Variants in CHST4 observed in about 807,000 individuals in gnomAD.
CHST4 encodes the protein carbohydrate sulfotransferase 4, also known as GST-3.
For missense variants in CHST4, 466 were observed against 506.0 expected, an observed-to-expected ratio of 0.92 and a Z score of 0.76; for synonymous variants, 171 against 195.5, an observed-to-expected ratio of 0.87 and a Z score of 1.05.
At chr16:71,533,613 C>G (rs564723553) in intron 1 of CHST4, among the ~76,000 whole-genome samples, 2 of 152,176 alleles carry the variant, frequency 1.3e-5, no homozygotes, top group Non-Finnish European at 1.5e-5. Flanking sequence ...TAGTAAAATT[C>G]TTAGGTTTTC....
At chr16:71,527,486 C>T (rs1464982843) in intron 1 of CHST4, among the ~76,000 whole-genome samples, 3 of 152,196 alleles carry the variant, frequency 2.0e-5, no homozygotes, top group African/African-American at 7.2e-5. Flanking sequence ...ATGGCTCGCG[C>T]CTGTAATCCC....
chr16:71,535,515 C>T (rs2043980676), intron 1 of CHST4, among the ~76,000 whole-genome samples: 1 of 152,150 alleles, frequency 6.6e-6, no homozygotes, highest in African/African-American at 2.4e-5. Context: ...TTACTATCAC[C>T]TACAAAAAAC....
intron 1 of CHST4, 28 bp from the exon 2 acceptor site, chr16:71,536,632 C>T (rs2043990008): frequency 7.3e-7 from 1 of 1,371,798 alleles, no homozygotes; most frequent in African/African-American, 1.5e-5. Context: ...AGCAGCCCAA[C>T]TCCACCCTTT....
At chr16:71,527,167 T>C (rs934132926) in intron 1 of CHST4, among the ~76,000 whole-genome samples, 51 of 152,222 alleles carry the variant, frequency 3.4e-4, no homozygotes, top group African/African-American at 1.2e-3. Flanking sequence ...TGCCAACATA[T>C]CAGCTATGGT....
intron 1 of CHST4, among the ~76,000 whole-genome samples, chr16:71,526,737 G>C (rs1386024382): frequency 6.6e-6 from 1 of 152,230 alleles, no homozygotes; most frequent in Non-Finnish European, 1.5e-5. Context: ...AGAGCCCAGA[G>C]AGCAGATCAG....
At chr16:71,530,185 TCTTTCAGGGAGAAGGCAGGCTCTCC>T (rs753912175) in intron 1 of CHST4, among the ~76,000 whole-genome samples, 48 of 152,032 alleles carry the variant, frequency 3.2e-4, no homozygotes, top group African/African-American at 2.9e-4. Flanking sequence ...AGACAGAACT[TCTTTCAGGGAGAAGGCAGGCTCTCC>T]CTTTCAGGGA....
In CHST4 at chr16:71,538,213, T is replaced by A; in HGVS notation, c.*375T>A. On this transcript the variant is annotated 3_prime_UTR_variant, in exon 2 of 2. Coordinates refer to ENST00000539698, the MANE Select transcript of CHST4 (RefSeq NM_001166395.2). ...CACATCTTGCCCAATGGGGAATGGA[T>A]CTTTCACCAAAGAGCTCACCAGCAT... The A allele has an allele frequency of 4.9e-6, 1 of 204,810 alleles. No individual in the cohort carries two copies. The highest frequency in any genetic ancestry group is 1.1e-5 in the Non-Finnish European group (1 of 92,246). 12.7% of individuals were successfully genotyped at this position (204,810 alleles called of 1,614,324 possible).
intron 1 of CHST4, among the ~76,000 whole-genome samples, chr16:71,529,849 A>G (rs1417560387): frequency 6.6e-6 from 1 of 152,170 alleles, no homozygotes; most frequent in Non-Finnish European, 1.5e-5. Context: ...CTGGGAAACA[A>G]ATTAATCTCA....
intron 1 of CHST4, among the ~76,000 whole-genome samples, chr16:71,529,303 G>T (rs142497027): frequency 7.9e-5 from 12 of 151,894 alleles, no homozygotes; most frequent in Admixed American, 2.0e-4. Flanking sequence ...TGGACCAAGG[G>T]TTACTGTGCC....
chr16:71,533,767 G>A (rs1018796572), intron 1 of CHST4, among the ~76,000 whole-genome samples: 2 of 151,982 alleles, frequency 1.3e-5, no homozygotes, highest in Non-Finnish European at 2.9e-5. Context: ...TCCAGGCTGG[G>A]CATGGGGGCT....
chr16:71,535,879 G>A (rs2043983832), intron 1 of CHST4, among the ~76,000 whole-genome samples: 1 of 152,208 alleles, frequency 6.6e-6, no homozygotes, highest in Non-Finnish European at 1.5e-5. Flanking sequence ...CCCATGGGAT[G>A]ACACCAAATC....
rs2044009295 is a variant in CHST4, at chr16:71,538,298, T to G, written c.*460T>G. On this transcript the variant is annotated 3_prime_UTR_variant, in exon 2 of 2. Coordinates refer to ENST00000539698, the MANE Select transcript of CHST4 (RefSeq NM_001166395.2). ...TTCCCAGTGGATTCAAGGAAGGAAG[T>G]GGGAACAAGGTTGGATGCCTACTTA... 1 of 174,980 alleles carries G rather than the reference T, an allele frequency of 5.7e-6. No individual in the cohort carries two copies. The highest frequency in any genetic ancestry group is 2.4e-5 in the African/African-American group (1 of 41,560). The allele number at this position is 174,980 out of a possible 1,614,324, so 10.8% of individuals were successfully genotyped here. A position where few individuals can be genotyped will look rare whatever the true frequency, so the allele number is the denominator to read the frequency against.
At position 71,537,518 on chromosome 16, in the gene CHST4, C is replaced by T. The variant is rs188876913; in HGVS notation, c.841C>T (p.Arg281Ter). 2.2e-5 allele frequency: 35 copies of T among 1,614,184 alleles called. No homozygotes were observed. The highest frequency in any genetic ancestry group is 1.0e-4 in the Admixed American group (6 of 60,024). Residue 281 changes from arginine to a stop codon, truncating the protein, a stop_gained, in exon 2 of 2, where the codon CGA becomes TGA. Transcript: ENST00000539698. LOFTEE classifies it low-confidence loss of function (END_TRUNC). The surrounding 1 kb of genome is among the most constrained non-coding windows in gnomAD (Gnocchi z 4.2). ...GCTTGTGCGCTATGAGGACCTGGCTCGAGCCCCTGTGGCCCAGACTTCCCG... is the reference window on the plus strand; with the variant it reads ...GCTTGTGCGCTATGAGGACCTGGCTTGAGCCCCTGTGGCCCAGACTTCCCG... ...YLLVRYEDLARAPVAQTSRMY... is the reference protein window; with the variant it reads ...YLLVRYEDLA
chr16:71,537,276 T>G lies in CHST4; in HGVS notation c.599T>G (p.Ile200Ser), dbSNP rs1254002056. ...AAAGACCCCTCCCTCAACCTGCATA[T>G]CGTGCACCTGGTCCGGGACCCCCGG... ...LLKDPSLNLH[I>S]VHLVRDPRAV... is the part of the protein sequence containing the mutation. The change falls in exon 2 of 2, where the codon ATC (isoleucine) becomes AGC (serine). Residue 200 changes from isoleucine to serine, a missense_variant. By Grantham distance (142) the Ile-to-Ser change is moderately radical. Coordinates refer to ENST00000539698, the MANE Select transcript of CHST4 (RefSeq NM_001166395.2). The surrounding 1 kb of genome is among the most constrained non-coding windows in gnomAD (Gnocchi z 4.2). The G allele has an allele frequency of 6.2e-7, 1 of 1,614,088 alleles. No homozygotes were observed. Among genetic ancestry groups the G allele is most frequent in the Non-Finnish European group, 8.5e-7 (1 of 1,180,016 alleles).
At chr16:71,530,185 T>TCTTTCAGGGAGAAGGCAGGCTCTCC (rs753912175) in intron 1 of CHST4, among the ~76,000 whole-genome samples, 4 of 152,032 alleles carry the variant, frequency 2.6e-5, no homozygotes, top group South Asian at 2.1e-4. Flanking sequence ...AGACAGAACT[T>TCTTTCAGGGAGAAGGCAGGCTCTCC]CTTTCAGGGA....
At chr16:71,528,707 A>C (rs1015452549) in intron 1 of CHST4, among the ~76,000 whole-genome samples, 1 of 152,176 alleles carries the variant, frequency 6.6e-6, no homozygotes, top group South Asian at 2.1e-4. Flanking sequence ...GGGAAGTGTA[A>C]GTTAGGAATG....
At chr16:71,532,087 G>A (rs550997118) in intron 1 of CHST4, among the ~76,000 whole-genome samples, 41 of 139,406 alleles carry the variant, frequency 2.9e-4, no homozygotes, top group Non-Finnish European at 5.4e-4. Flanking sequence ...TCGCTCTGTC[G>A]CCCAGGCTGG....
Position 71,537,953 on chromosome 16 carries a change from T to G in CHST4, c.*115T>G, listed in dbSNP as rs893017377. On this transcript the variant is annotated 3_prime_UTR_variant, in exon 2 of 2. Coordinates refer to ENST00000539698, the MANE Select transcript of CHST4 (RefSeq NM_001166395.2). This position sits in a 1 kb window ranked among gnomAD's most constrained non-coding sequence, Gnocchi z 4.2. ...AACTACATGTCTGTGGGTATCACAC[T>G]GAGTGTGAGTTGTGTCCACACGTGC... 1 of 953,418 alleles carries G rather than the reference T, an allele frequency of 1.0e-6. No individual in the cohort carries two copies. 59.1% of individuals were successfully genotyped at this position (953,418 alleles called of 1,614,324 possible).
At position 71,537,618 on chromosome 16, in the gene CHST4, G is replaced by T. The variant is rs901891389; in HGVS notation, c.941G>T (p.Gly314Val). The T allele has an allele frequency of 8.7e-6, 14 of 1,614,046 alleles. No homozygotes were observed. In the Admixed American group the frequency reaches 1.2e-4, roughly 13 times the overall value. ...GTGCATAACATCACCCGAGGCAAGG[G>T]CATGGGTGACCACGCTTTCCACACA... ...TWVHNITRGK[G>V]MGDHAFHTNA... Residue 314 changes from glycine (G) to valine (V), a missense_variant, in exon 2 of 2, where the codon GGC becomes GTC. By Grantham distance (109) the Gly-to-Val change is moderately radical. Coordinates refer to ENST00000539698, the MANE Select transcript of CHST4 (RefSeq NM_001166395.2). This position sits in a 1 kb window ranked among gnomAD's most constrained non-coding sequence, Gnocchi z 4.2.
Sources: gnomAD v4.1 joint callset for allele counts (sites outside exome capture counted in the v4.1 genomes callset) on GRCh38, gnomAD v4.1.1 for gene constraint, Gnocchi (gnomAD v3.1) non-coding constraint, MANE v1.5 for transcripts, NCBI Gene and HGNC (gene_info 2026-07-23, HGNC 2026-07-21) for gene names.